The following GPHN variants were observed in gnomAD, a reference collection of about 807,000 sequenced individuals.
GPHN encodes the protein gephyrin.
Under a neutral mutation model 95.5 loss-of-function variants are expected in GPHN, and 17 were observed. That is an observed-to-expected ratio of 0.18 (90% CI 0.12 to 0.27). GPHN has a LOEUF of 0.27. Ranked by LOEUF, GPHN falls within the 10% of genes least tolerant of loss-of-function variation. The pLI is 1.00. For synonymous variants in GPHN, 320 were observed against 322.5 expected (o/e 0.99, Z 0.08); for missense variants, 660 against 978.1 (o/e 0.67, Z 4.34).
chr14:66,564,650 T>C (rs1204218736), intron 1 of GPHN, among the ~76,000 whole-genome samples: 1 of 152,176 alleles, frequency 6.6e-6, no homozygotes, highest in Non-Finnish European at 1.5e-5. Flanking sequence ...ATGTAGCAAA[T>C]AACAATTTAT....
intron 12 of GPHN, among the ~76,000 whole-genome samples, chr14:67,089,562 C>T (rs1490973739): frequency 6.6e-6 from 1 of 152,092 alleles, no homozygotes; most frequent in Admixed American, 6.6e-5. Context: ...CCTACACATG[C>T]CAGACAGCAT....
At chr14:67,323,232 CGTGTGTGTGTGTGTGT>C in the GPHN span, among the ~76,000 whole-genome samples, 5 of 143,590 alleles carry the variant, frequency 3.5e-5, no homozygotes, top group Admixed American at 7.2e-5. Flanking sequence ...CATATATACA[CGTGTGTGTGTGTGTGT>C]GTGTGTGTGT....
At chr14:66,835,818 A>G (rs1318968493) in intron 4 of GPHN, among the ~76,000 whole-genome samples, 1 of 152,130 alleles carries the variant, frequency 6.6e-6, no homozygotes, top group South Asian at 2.1e-4. Context: ...AGAGAGCCAA[A>G]TCGTGAGTGA....
the GPHN span, chr14:67,584,092 C>G: frequency 6.2e-7 from 1 of 1,613,910 alleles, no homozygotes; most frequent in Non-Finnish European, 8.5e-7. Flanking sequence ...CAGGAAATGG[C>G]CTTTCTTTGG....
chr14:67,048,208 C>A (rs2075132120), intron 10 of GPHN, among the ~76,000 whole-genome samples: 1 of 152,172 alleles, frequency 6.6e-6, no homozygotes, highest in East Asian at 1.9e-4. Flanking sequence ...TTAACCATGT[C>A]TTTGATGATG....
the GPHN span, among the ~76,000 whole-genome samples, chr14:67,257,027 C>T: frequency 2.6e-5 from 4 of 151,946 alleles, no homozygotes; most frequent in Non-Finnish European, 5.9e-5. Context: ...TTTTTAAATA[C>T]GTTTTAGGGA....
intron 10 of GPHN, 101 bp from the exon 11 acceptor site, chr14:67,058,548 C>G: frequency 9.9e-7 from 1 of 1,011,826 alleles, no homozygotes; most frequent in South Asian, 1.3e-5. Context: ...TAATCTTCAT[C>G]TGGGGACATT....
rs76453203 is a variant in GPHN at position 66,892,581 on chromosome 14, C to G, written c.389+12548C>G. 4.0e-3 allele frequency among the ~76,000 whole-genome samples: 603 copies of G among 152,218 alleles called. 7 individuals are homozygous for G. The highest frequency in any genetic ancestry group is 0.014 in the African/African-American group (563 of 41,548). On this transcript the variant is annotated intron_variant, in intron 5 of 22. Transcript: ENST00000478722. ...TACATGGAATGAAATATTATTCAGC[C>G]TTAAAAATTATTGTTAATTCTAACA...
chr14:67,016,443 A>G (rs914980575), intron 9 of GPHN, among the ~76,000 whole-genome samples: 1 of 152,088 alleles, frequency 6.6e-6, no homozygotes, highest in Non-Finnish European at 1.5e-5. Flanking sequence ...CCATTGAAGT[A>G]AAAGGTTCTG....
chr14:67,227,215 G>A, the GPHN span, among the ~76,000 whole-genome samples: 1 of 152,108 alleles, frequency 6.6e-6, no homozygotes, highest in Non-Finnish European at 1.5e-5. Flanking sequence ...GCTGAGGTGG[G>A]TGGATCACGA....
At chr14:66,599,841 GTATATC>G (rs918457972) in intron 1 of GPHN, among the ~76,000 whole-genome samples, 7 of 151,754 alleles carry the variant, frequency 4.6e-5, no homozygotes, top group South Asian at 2.1e-4. Flanking sequence ...CTATATATCT[GTATATC>G]TATATCTATA....
At chr14:67,408,560 G>C in the GPHN span, among the ~76,000 whole-genome samples, 1 of 152,090 alleles carries the variant, frequency 6.6e-6, no homozygotes, top group Non-Finnish European at 1.5e-5. Flanking sequence ...CTTATAGGAA[G>C]AGGAAAATTT....
chr14:67,548,947 C>G, the GPHN span, among the ~76,000 whole-genome samples: 3 of 152,188 alleles, frequency 2.0e-5, no homozygotes, highest in African/African-American at 7.2e-5. Context: ...TCCCCTTAAG[C>G]AAGAGAACAA....
intron 1 of GPHN, among the ~76,000 whole-genome samples, chr14:66,540,161 C>T (rs1338954239): frequency 2.0e-5 from 3 of 152,204 alleles, no homozygotes; most frequent in Non-Finnish European, 4.4e-5. Flanking sequence ...TCGTGCTCCA[C>T]ATATCTTCTA....
At chr14:67,452,301 G>A in the GPHN span, among the ~76,000 whole-genome samples, 1 of 150,188 alleles carries the variant, frequency 6.7e-6, no homozygotes, top group African/African-American at 2.5e-5. Flanking sequence ...CCAGCCTGCT[G>A]GGTGACAGAG....
At chr14:67,306,793 A>G in the GPHN span, among the ~76,000 whole-genome samples, 1 of 152,234 alleles carries the variant, frequency 6.6e-6, no homozygotes, top group Non-Finnish European at 1.5e-5. Context: ...CAGAAAGGAA[A>G]CAGTAATAGG....
intron 10 of GPHN, among the ~76,000 whole-genome samples, chr14:67,026,013 C>A (rs1380224065): frequency 6.6e-6 from 1 of 152,142 alleles, no homozygotes; most frequent in Non-Finnish European, 1.5e-5. Flanking sequence ...CCTGACTTTC[C>A]TTTCTGTGAC....
the GPHN span, chr14:67,590,157 GC>G: frequency 6.4e-7 from 1 of 1,550,848 alleles, no homozygotes; most frequent in Non-Finnish European, 8.7e-7. Flanking sequence ...AAGCAGTCCA[GC>G]CGGGGCTTGG....
intron 9 of GPHN, among the ~76,000 whole-genome samples, chr14:66,966,171 T>G (rs2069311651): frequency 6.6e-6 from 1 of 152,156 alleles, no homozygotes; most frequent in South Asian, 2.1e-4. Flanking sequence ...CAGTTAATTT[T>G]TCAAATTATA....
Sources: allele counts gnomAD v4.1 joint callset (sites outside exome capture counted in the v4.1 genomes callset), GRCh38; gene constraint gnomAD v4.1.1; transcripts MANE v1.5; gene names NCBI Gene and HGNC (gene_info 2026-07-23, HGNC 2026-07-21).